Variants in ATP8A1 observed in about 807,000 individuals in gnomAD.
ATP8A1 encodes phospholipid-transporting ATPase IA.
A neutral mutation model predicts 177.7 loss-of-function variants in ATP8A1; 90 were observed. The observed-to-expected ratio is 0.51, with a 90% confidence interval of 0.43 to 0.60. ATP8A1 has a LOEUF of 0.60. ATP8A1 is among the 20% of genes least tolerant of loss of function. The probability of loss-of-function intolerance (pLI) is 0.00; values close to 1 mark genes in which losing one functional copy is unlikely to be tolerated. For missense variants in ATP8A1, 1,072 were observed against 1,392.8 expected (o/e 0.77, Z 3.67); for synonymous variants, 493 against 485.9 (o/e 1.01, Z -0.19).
chr4:42,604,447 T>C lies in ATP8A1; in HGVS notation c.410-3929A>G, dbSNP rs546190210. Among the ~76,000 whole-genome samples the C allele has an allele frequency of 3.9e-4, 59 of 149,684 alleles. 1 individual carries two copies. In the South Asian group the frequency reaches 8.1e-3, roughly 21 times the overall value. ...GCACACACTGGTGCTCAGTAAGTAC[T>C]AACTGGGTGGAATGCTGGATCCACT... On this transcript the variant is annotated intron_variant, in intron 5 of 36. Transcript: ENST00000381668.
intron 33 of ATP8A1, among the ~76,000 whole-genome samples, chr4:42,437,550 G>T (rs915067325): frequency 2.6e-5 from 4 of 152,120 alleles, no homozygotes; most frequent in Non-Finnish European, 5.9e-5. Context: ...TTTCCTAAAT[G>T]ATTTCTTATT....
intron 9 of ATP8A1, among the ~76,000 whole-genome samples, chr4:42,583,661 C>G (rs997449174): frequency 1.7e-4 from 26 of 152,186 alleles, no homozygotes; most frequent in African/African-American, 5.5e-4. Context: ...GACCCTCATC[C>G]TTAAAAGCAA....
intron 1 of ATP8A1, among the ~76,000 whole-genome samples, chr4:42,647,967 G>C (rs914397529): frequency 6.6e-6 from 1 of 152,102 alleles, no homozygotes; most frequent in South Asian, 2.1e-4. Context: ...AAAATACTTT[G>C]CTTTAAGACA....
In ATP8A1 at chr4:42,581,677, T is replaced by C; in HGVS notation, c.778A>G (p.Thr260Ala). The change falls in exon 10 of 37, where the codon ACA becomes GCA. Residue 260 changes from threonine (T) to alanine (A), a missense_variant. By Grantham distance (58) the Thr-to-Ala change is moderately conservative (BLOSUM62 0). This residue lies in a region of ATP8A1 where 344 missense variants were observed against 393.5 expected (regional missense o/e 0.87). Transcript: ENST00000381668. ...ILLRGAQLRN[T>A]QWVHGIVVYT... ...ACAACTATTCCATGAACCCACTGTG[T>C]ATTTCTCAACTGAGCTCCTCGAAGA... 6.2e-7 allele frequency: 1 copy of C among 1,614,202 alleles called. No homozygotes were observed. The highest frequency in any genetic ancestry group is 8.5e-7 in the Non-Finnish European group (1 of 1,180,020).
chr4:42,643,157 A>T (rs1322948807), intron 1 of ATP8A1, among the ~76,000 whole-genome samples: 1 of 152,226 alleles, frequency 6.6e-6, no homozygotes, highest in Non-Finnish European at 1.5e-5. Flanking sequence ...AAACAGAATA[A>T]ATCCATACAG....
At chr4:42,455,836 A>G (rs1718424561) in intron 27 of ATP8A1, among the ~76,000 whole-genome samples, 1 of 152,188 alleles carries the variant, frequency 6.6e-6, no homozygotes, top group African/African-American at 2.4e-5. Flanking sequence ...AAATATATGA[A>G]CAGGCAATCA....
chr4:42,570,728 C>T (rs187249783), intron 14 of ATP8A1, among the ~76,000 whole-genome samples: 73 of 152,286 alleles, frequency 4.8e-4, no homozygotes, highest in African/African-American at 1.7e-3. Context: ...CTGGTGTCTA[C>T]GTGGTATCTG....
Position 42,656,800 on chromosome 4 carries a change from G to T in ATP8A1, c.49+25C>A, listed in dbSNP as rs377693794. The T allele has an allele frequency of 5.2e-5, 80 of 1,545,170 alleles. No homozygotes were observed. In the African/African-American group the frequency reaches 7.1e-4, roughly 14 times the overall value. On this transcript the variant is annotated intron_variant, in intron 1 of 36. Coordinates refer to ENST00000381668, the MANE Select transcript of ATP8A1 (RefSeq NM_006095.2). ...ACACTCGCTTCCCGACCCCGGGCTAGCCCCGAGCCTCGGCGGCCCCTTACC... is the reference window on the plus strand; with the variant it reads ...ACACTCGCTTCCCGACCCCGGGCTATCCCCGAGCCTCGGCGGCCCCTTACC...
intron 27 of ATP8A1, among the ~76,000 whole-genome samples, chr4:42,462,258 T>C (rs1366251105): frequency 6.6e-6 from 1 of 152,188 alleles, no homozygotes; most frequent in East Asian, 1.9e-4. Flanking sequence ...CTCCAGGGTA[T>C]GTCAGAGTTT....
intron 5 of ATP8A1, among the ~76,000 whole-genome samples, chr4:42,612,735 T>TA (rs1203886507): frequency 2.6e-5 from 4 of 152,060 alleles, no homozygotes; most frequent in African/African-American, 9.7e-5. Context: ...CTGATTGAGT[T>TA]AACTTATCAG....
intron 6 of ATP8A1, among the ~76,000 whole-genome samples, chr4:42,597,538 A>G (rs1227821289): frequency 3.3e-5 from 5 of 152,350 alleles, no homozygotes; most frequent in South Asian, 2.1e-4. Flanking sequence ...AATGAATAGT[A>G]TAATTTCTTC....
chr4:42,423,604 A>G lies in ATP8A1; in HGVS notation c.3212+13T>C, dbSNP rs745500740. 5.8e-6 allele frequency: 9 copies of G among 1,562,390 alleles called. No homozygotes were observed. The highest frequency in any genetic ancestry group is 1.7e-4 in the Middle Eastern group (1 of 6,000). ...ATCTATATTTCTCCGTATATAACTG[A>G]GTATATACTTACACCTTGTACACCA... On this transcript the variant is annotated intron_variant, in intron 34 of 36. Coordinates refer to ENST00000381668, the MANE Select transcript of ATP8A1 (RefSeq NM_006095.2).
intron 1 of ATP8A1, 90 bp from the exon 2 acceptor site, chr4:42,627,199 T>C: frequency 1.1e-6 from 1 of 902,638 alleles, no homozygotes; most frequent in East Asian, 2.6e-5. Context: ...ATGAAATCTG[T>C]TAAAAGCTAC....
At position 42,529,203 on chromosome 4, in the gene ATP8A1, A is replaced by C. The variant is rs1727005343; in HGVS notation, c.1723-4356T>G. On this transcript the variant is annotated intron_variant, in intron 20 of 36. Transcript: ENST00000381668. ...GACCTAGCAGATTCAATGGTATTTG[A>C]GGTGTCAGTGGCAGACGGGGATGCT... 1.3e-5 allele frequency among the ~76,000 whole-genome samples: 2 copies of C among 152,132 alleles called. 1 individual carries two copies. Among genetic ancestry groups the C allele is most frequent in the South Asian group, 4.1e-4 (2 of 4,834 alleles).
intron 29 of ATP8A1, among the ~76,000 whole-genome samples, chr4:42,453,129 C>T (rs1460542286): frequency 6.6e-6 from 1 of 152,166 alleles, no homozygotes; most frequent in Non-Finnish European, 1.5e-5. Context: ...TCTACTTTTC[C>T]ATTTTCCTGA....
chr4:42,581,747 G>A lies in ATP8A1; in HGVS notation c.723-15C>T, dbSNP rs571505728. ...GTGGAACGGTGCTAGGACAGATTAC[G>A]TTGACATTAGAAACAGTATTTTCTA... On this transcript the variant is annotated splice_polypyrimidine_tract_variant and intron_variant, in intron 9 of 36. Transcript: ENST00000381668. 5.5e-5 allele frequency: 86 copies of A among 1,576,254 alleles called. No individual in the cohort carries two copies. In the South Asian group the frequency reaches 7.1e-4, roughly 13 times the overall value.
At chr4:42,605,068 G>A (rs1234791512) in intron 5 of ATP8A1, among the ~76,000 whole-genome samples, 1 of 152,174 alleles carries the variant, frequency 6.6e-6, no homozygotes, top group Non-Finnish European at 1.5e-5. Context: ...TTGGATTAAT[G>A]AAAATGTTCT....
chr4:42,622,981 C>G (rs1026025488), intron 4 of ATP8A1, among the ~76,000 whole-genome samples: 4 of 141,200 alleles, frequency 2.8e-5, no homozygotes, highest in African/African-American at 1.0e-4. Context: ...TGCACTCCAG[C>G]CTGGGTGATA....
chr4:42,608,555 T>C (rs1233465189), intron 5 of ATP8A1, among the ~76,000 whole-genome samples: 1 of 152,148 alleles, frequency 6.6e-6, no homozygotes, highest in African/African-American at 2.4e-5. Flanking sequence ...AGATGGGGTT[T>C]CGCCATGTTG....
Sources: allele counts gnomAD v4.1 joint callset (sites outside exome capture counted in the v4.1 genomes callset), GRCh38; gene constraint gnomAD v4.1.1; regional missense constraint gnomAD v4.1.1; transcripts MANE v1.5; gene names NCBI Gene and HGNC (gene_info 2026-07-23, HGNC 2026-07-21).